Variants in PEMT observed in about 807,000 individuals in gnomAD.
The protein encoded by PEMT is phosphatidylethanolamine N-methyltransferase, also known as phospholipid methyltransferase.
PEMT carries 23 observed loss-of-function variants against 27.4 expected under a neutral mutation model. That is an observed-to-expected ratio of 0.84 (90% CI 0.60 to 1.19). The LOEUF is 1.19. PEMT is among the 50% of genes most tolerant of loss of function. The probability of loss-of-function intolerance (pLI) is 0.00; values close to 1 mark genes in which losing one functional copy is unlikely to be tolerated. For missense variants in PEMT, 307 were observed against 310.1 expected, an observed-to-expected ratio of 0.99 and a Z score of 0.07; for synonymous variants, 137 against 139.1, an observed-to-expected ratio of 0.98 and a Z score of 0.11.
At chr17:17,519,879 C>T (rs1353512619) in intron 3 of PEMT, among the ~76,000 whole-genome samples, 5 of 152,220 alleles carry the variant, frequency 3.3e-5, no homozygotes, top group Admixed American at 6.5e-5. Flanking sequence ...TGCCTTGTGG[C>T]GCTGGCCGGT....
chr17:17,570,849 G>A (rs993127435), intron 2 of PEMT: 51 of 985,310 alleles, frequency 5.2e-5, no homozygotes, highest in Non-Finnish European at 5.8e-5. Flanking sequence ...TAGAGTCCGC[G>A]AGGGTACAGA....
At chr17:17,522,889 C>CT (rs70959698) in intron 2 of PEMT, among the ~76,000 whole-genome samples, 16,178 of 152,248 alleles carry the variant, frequency 0.11, 1,105 homozygotes, top group African/African-American at 0.19. Flanking sequence ...CCATCACAGG[C>CT]GCAAAGCAAA....
chr17:17,509,331 C>T (rs934699829), intron 5 of PEMT, 103 bp downstream of exon 5: 11 of 733,122 alleles, frequency 1.5e-5, no homozygotes, highest in Non-Finnish European at 2.3e-5. Context: ...CACGTTCTTC[C>T]TTTCTCTCTC....
intron 2 of PEMT, among the ~76,000 whole-genome samples, chr17:17,529,872 G>A (rs1324679218): frequency 6.6e-6 from 1 of 152,212 alleles, no homozygotes; most frequent in African/African-American, 2.4e-5. Context: ...GGGAGGGGCT[G>A]AATGAACTGC....
At position 17,591,535 on chromosome 17, in the gene PEMT, C is replaced by G. The variant is rs1454624834; in HGVS notation, c.92G>C (p.Arg31Thr). ...GCGGTCCGGTGCGGTCAGTACCTGT[C>G]TAAAATCAATATTGCCGAGGCCTCC... ...CCGGLGNIDFRQADFCVMTRL... is the reference protein window; with the variant it reads ...CCGGLGNIDFTQADFCVMTRL... Residue 31 changes from arginine (R) to threonine (T), a missense_variant, in exon 1 of 7, where the codon AGA (arginine) becomes ACA (threonine). Transcript: ENST00000255389. The G allele has an allele frequency of 1.2e-6, 2 of 1,612,664 alleles. No homozygotes were observed. The highest frequency in any genetic ancestry group is 1.7e-6 in the Non-Finnish European group (2 of 1,179,066).
At chr17:17,518,050 G>A (rs1186866973) in intron 3 of PEMT, 6 of 985,418 alleles carry the variant, frequency 6.1e-6, no homozygotes, top group African/African-American at 1.7e-5. Flanking sequence ...GGCTGTGCCC[G>A]CCACACCAGA....
intron 2 of PEMT, among the ~76,000 whole-genome samples, chr17:17,548,787 C>T (rs566022063): frequency 1.1e-4 from 16 of 152,260 alleles, no homozygotes; most frequent in Admixed American, 6.5e-4. Flanking sequence ...TCAGGTGATC[C>T]GCCCGCCTCG....
At chr17:17,538,840 G>A (rs1430974043) in intron 2 of PEMT, among the ~76,000 whole-genome samples, 1 of 152,194 alleles carries the variant, frequency 6.6e-6, no homozygotes, top group Non-Finnish European at 1.5e-5. Context: ...GCCTGCCTCG[G>A]AAAGGAAATT....
intron 3 of PEMT, among the ~76,000 whole-genome samples, chr17:17,520,227 G>A (rs1907164316): frequency 6.6e-6 from 1 of 152,204 alleles, no homozygotes; most frequent in Admixed American, 6.5e-5. Context: ...ATGCAGCCAG[G>A]GCCCCATCCT....
chr17:17,525,812 G>A (rs1907622217), intron 2 of PEMT, among the ~76,000 whole-genome samples: 1 of 152,166 alleles, frequency 6.6e-6, no homozygotes, highest in Non-Finnish European at 1.5e-5. Flanking sequence ...GGCCAACATG[G>A]TGAAACCTCA....
intron 2 of PEMT, among the ~76,000 whole-genome samples, chr17:17,542,393 T>G (rs1908955666): frequency 6.6e-6 from 1 of 152,236 alleles, no homozygotes; most frequent in African/African-American, 2.4e-5. Context: ...GGGACTGGCT[T>G]GGGATAGAGG....
chr17:17,534,513 C>T (rs1444144344), intron 2 of PEMT, among the ~76,000 whole-genome samples: 1 of 152,218 alleles, frequency 6.6e-6, no homozygotes, highest in African/African-American at 2.4e-5. Flanking sequence ...TACGTGCCTC[C>T]TGGCTGTAGA....
At chr17:17,544,640 A>G (rs967831005) in intron 2 of PEMT, among the ~76,000 whole-genome samples, 3 of 152,160 alleles carry the variant, frequency 2.0e-5, no homozygotes, top group Non-Finnish European at 4.4e-5. Context: ...GGTGTCCTCA[A>G]GTGTGACGGG....
rs1181851094 is a variant in PEMT, at chr17:17,522,328, T to C, written c.272A>G (p.Tyr91Cys). 2 of 1,613,508 alleles carry C rather than the reference T, an allele frequency of 1.2e-6. No individual in the cohort carries two copies. The highest frequency in any genetic ancestry group is 1.7e-6 in the Non-Finnish European group (2 of 1,179,852). The part of the protein sequence containing the change: ...RAFGSPYLAC[Y>C]SLSVTILLLN... Reference sequence around the variant, plus strand: ...GAGCAGGATGGTGACGCTTAGAGAGTAGCAGGCCAGGTAGGGGGATCCGAA... The same window carrying C: ...GAGCAGGATGGTGACGCTTAGAGAGCAGCAGGCCAGGTAGGGGGATCCGAA... Residue 91 changes from tyrosine (Y) to cysteine (C), a missense_variant, in exon 3 of 7, where the codon TAC (tyrosine) becomes TGC (cysteine). Physicochemically the swap from Tyr to Cys is radical, Grantham distance 194. Coordinates refer to ENST00000255389, the MANE Select transcript of PEMT (RefSeq NM_148172.3).
At chr17:17,535,076 A>G (rs950945973) in intron 2 of PEMT, among the ~76,000 whole-genome samples, 1 of 151,654 alleles carries the variant, frequency 6.6e-6, no homozygotes, top group African/African-American at 2.4e-5. Flanking sequence ...ATGCCTGGTT[A>G]ATTTTTGTAT....
chr17:17,522,439 G>T, intron 2 of PEMT, 44 bp from the exon 3 acceptor site: 3 of 1,209,586 alleles, frequency 2.5e-6, no homozygotes, highest in Non-Finnish European at 3.7e-6. Context: ...TTCCTGGGGA[G>T]ACTCCAGGGT....
intron 2 of PEMT, chr17:17,570,957 T>C: frequency 1.0e-6 from 1 of 975,006 alleles, no homozygotes; most frequent in Admixed American, 6.1e-5. Context: ...GGGGAGGTCT[T>C]GGCAGGGGCT....
chr17:17,550,171 C>T (rs1193343988), intron 2 of PEMT, among the ~76,000 whole-genome samples: 2 of 152,164 alleles, frequency 1.3e-5, no homozygotes, highest in Non-Finnish European at 2.9e-5. Context: ...TCCCCACCAC[C>T]CCCCTCTGGA....
intron 3 of PEMT, among the ~76,000 whole-genome samples, chr17:17,520,796 A>C (rs529009071): frequency 6.6e-6 from 1 of 152,358 alleles, no homozygotes; most frequent in South Asian, 2.1e-4. Context: ...CCAAGAAGCA[A>C]AGGCCAGGAG....
Sources: allele counts gnomAD v4.1 joint callset (sites outside exome capture counted in the v4.1 genomes callset), GRCh38; gene constraint gnomAD v4.1.1; transcripts MANE v1.5; gene names NCBI Gene and HGNC (gene_info 2026-07-23, HGNC 2026-07-21).